MSI2: variants seen among roughly 807,000 people sequenced by gnomAD.
MSI2 encodes musashi RNA binding protein 2, also known as RNA-binding protein Musashi homolog 2.
In MSI2, 17 loss-of-function variants were observed where a neutral mutation model predicts 45.6. That is an observed-to-expected ratio of 0.37 (90% CI 0.26 to 0.56). The LOEUF is 0.56. Among genes scored for constraint, MSI2 ranks in the 20% least tolerant of loss-of-function variants. MSI2 has a pLI of 0.77. For synonymous variants in MSI2, 156 were observed against 158.2 expected, an observed-to-expected ratio of 0.99 and a Z score of 0.11; for missense variants, 293 against 444.2, an observed-to-expected ratio of 0.66 and a Z score of 3.06.
At chr17:57,641,847 C>T (rs183868374) in intron 10 of MSI2, among the ~76,000 whole-genome samples, 1 of 152,300 alleles carries the variant, frequency 6.6e-6, no homozygotes, top group East Asian at 1.9e-4. Context: ...TATTGAGGAG[C>T]CACAGGCTGC....
chr17:57,275,437 A>G (rs1567730008), intron 5 of MSI2, among the ~76,000 whole-genome samples: 1 of 152,218 alleles, frequency 6.6e-6, no homozygotes, highest in Non-Finnish European at 1.5e-5. Flanking sequence ...ATGGAATAGT[A>G]GGTTTTGATC....
In MSI2 at chr17:57,593,928, AG is replaced by A. The variant is rs11314035; in HGVS notation, c.455-2937del. 8.1e-3 allele frequency among the ~76,000 whole-genome samples: 1,232 copies of A among 152,332 alleles called. 17 individuals are homozygous for A. The highest frequency in any genetic ancestry group is 0.029 in the African/African-American group (1,195 of 41,562). On this transcript the variant is annotated intron_variant, in intron 7 of 13. Coordinates refer to ENST00000284073, the MANE Select transcript of MSI2 (RefSeq NM_138962.4). Reference sequence around the variant, plus strand: ...GCCTGTTCGTGAATTGTGCAAGCAGAGGGCCATTGCCTTGTTGATCTCCACG... The same window carrying A: ...GCCTGTTCGTGAATTGTGCAAGCAGAGGCCATTGCCTTGTTGATCTCCACG...
At chr17:57,369,115 T>C (rs1211358711) in intron 5 of MSI2, among the ~76,000 whole-genome samples, 1 of 152,220 alleles carries the variant, frequency 6.6e-6, no homozygotes, top group African/African-American at 2.4e-5. Flanking sequence ...TACTGATGGT[T>C]GGTAGCATTG....
intron 6 of MSI2, among the ~76,000 whole-genome samples, chr17:57,420,800 A>G (rs879716666): frequency 5.9e-5 from 9 of 152,190 alleles, no homozygotes; most frequent in Non-Finnish European, 7.3e-5. Flanking sequence ...TTTCCTCAAC[A>G]GCAGGTGTCT....
intron 5 of MSI2, among the ~76,000 whole-genome samples, chr17:57,296,603 A>T (rs1007067069): frequency 4.6e-5 from 7 of 152,236 alleles, no homozygotes; most frequent in Non-Finnish European, 8.8e-5. Flanking sequence ...ATGTTTACAT[A>T]TTTAAAAACA....
rs116511556 is a variant in MSI2 at position 57,487,610 on chromosome 17, C to T, written c.406-42066C>T. Reference sequence around the variant, plus strand: ...GCTCAATACCTGGCAGCAGCCCTGTCATCTCCCCAGGAAAGCCTGAGCTCC... The same window carrying T: ...GCTCAATACCTGGCAGCAGCCCTGTTATCTCCCCAGGAAAGCCTGAGCTCC... On this transcript the variant is annotated intron_variant, in intron 6 of 13. Coordinates refer to ENST00000284073, the MANE Select transcript of MSI2 (RefSeq NM_138962.4). Among the ~76,000 whole-genome samples, 239 of 152,174 alleles carry T rather than the reference C, an allele frequency of 1.6e-3. 1 individual carries two copies. The highest frequency in any genetic ancestry group is 5.6e-3 in the African/African-American group (233 of 41,500).
At chr17:57,510,179 C>A (rs2086321268) in intron 6 of MSI2, among the ~76,000 whole-genome samples, 1 of 151,978 alleles carries the variant, frequency 6.6e-6, no homozygotes, top group African/African-American at 2.4e-5. Flanking sequence ...TTTTGTGTGG[C>A]TGGGTTTTCT....
rs2143146414 is a variant in MSI2 at position 57,258,153 on chromosome 17, G to A, written c.186-117G>A. 10 of 762,574 alleles carry A rather than the reference G, an allele frequency of 1.3e-5. No homozygotes were observed. In the South Asian group the frequency reaches 1.5e-4, roughly 12 times the overall value. 47.2% of individuals were successfully genotyped at this position (762,574 alleles called of 1,614,324 possible). A position where few individuals can be genotyped will look rare whatever the true frequency, so the allele number is the denominator to read the frequency against. On this transcript the variant is annotated intron_variant, in intron 3 of 13. Transcript: ENST00000284073. ...GGGAATTGGAGGAGGGGAGTGGGAG[G>A]TGGGGGTGCGTGGGGGGCAACTTTT...
chr17:57,685,076 G>A (rs929928371), downstream of MSI2, among the ~76,000 whole-genome samples: 18 of 152,100 alleles, frequency 1.2e-4, no homozygotes, highest in Non-Finnish European at 2.4e-4. Context: ...GGGAGAAGGC[G>A]CCAAACCGCA....
intron 6 of MSI2, among the ~76,000 whole-genome samples, chr17:57,470,604 AGTCCC>A (rs2085416215): frequency 6.6e-6 from 1 of 152,200 alleles, no homozygotes; most frequent in Non-Finnish European, 1.5e-5. Flanking sequence ...TGAATAGATG[AGTCCC>A]CCAAAAGCTT....
the MSI2 span, among the ~76,000 whole-genome samples, chr17:57,691,762 G>C: frequency 1.3e-5 from 2 of 152,156 alleles, no homozygotes. Flanking sequence ...TTTCTATGTA[G>C]ATAATCATAC....
chr17:57,298,429 G>T (rs1402746322), intron 5 of MSI2, among the ~76,000 whole-genome samples: 3 of 152,210 alleles, frequency 2.0e-5, no homozygotes, highest in Non-Finnish European at 1.5e-5. Flanking sequence ...CTGTCAGCCA[G>T]GTGTGGTGGC....
In MSI2 at chr17:57,374,594, T is replaced by C. The variant is rs78654986; in HGVS notation, c.313-26785T>C. ...GAGTTCGAGACCAGCCTGGCCAACA[T>C]AGTGAAACCCCATCTCTACTAATGA... On this transcript the variant is annotated intron_variant, in intron 5 of 13. Transcript: ENST00000284073. 5.0e-3 allele frequency among the ~76,000 whole-genome samples: 756 copies of C among 151,914 alleles called. 14 individuals carry two copies. In the East Asian group the frequency reaches 0.05, roughly 10 times the overall value.
chr17:57,387,614 G>A (rs945276660), intron 5 of MSI2, among the ~76,000 whole-genome samples: 1 of 152,334 alleles, frequency 6.6e-6, no homozygotes, highest in South Asian at 2.1e-4. Flanking sequence ...CTAACCATTG[G>A]AAGTTGATGG....
intron 6 of MSI2, among the ~76,000 whole-genome samples, chr17:57,422,941 A>G (rs2084423830): frequency 1.3e-5 from 2 of 152,132 alleles, no homozygotes; most frequent in Admixed American, 1.3e-4. Context: ...CCAGAAATAG[A>G]CACTGGTCTC....
chr17:57,452,542 T>C (rs2143559633), intron 6 of MSI2, among the ~76,000 whole-genome samples: 1 of 152,384 alleles, frequency 6.6e-6, no homozygotes, highest in East Asian at 1.9e-4. Flanking sequence ...ACAATCCATC[T>C]GCTTGCTTCC....
intron 6 of MSI2, among the ~76,000 whole-genome samples, chr17:57,523,109 G>A (rs1047484743): frequency 1.3e-5 from 2 of 150,460 alleles, no homozygotes; most frequent in African/African-American, 4.9e-5. Context: ...GTGCAATGGC[G>A]TAATCTCAGC....
intron 7 of MSI2, among the ~76,000 whole-genome samples, chr17:57,547,741 TAC>T (rs34631177): frequency 0.11 from 13,866 of 123,126 alleles, 661 homozygotes; most frequent in Admixed American, 0.17. Context: ...AGACAAAAAG[TAC>T]ACACACACAC....
At chr17:57,314,869 C>T (rs79034241) in intron 5 of MSI2, among the ~76,000 whole-genome samples, 3,538 of 152,212 alleles carry the variant, frequency 0.023, 146 homozygotes, top group African/African-American at 0.081. Context: ...TGCGCCCGGC[C>T]GCGCCTGCGT....
Sources: allele counts gnomAD v4.1 joint callset (sites outside exome capture counted in the v4.1 genomes callset), GRCh38; gene constraint gnomAD v4.1.1; transcripts MANE v1.5; gene names NCBI Gene and HGNC (gene_info 2026-07-23, HGNC 2026-07-21).